AFF3: variants seen among roughly 807,000 people sequenced by gnomAD.
AFF3 encodes AF4/FMR2 family member 3.
AFF3 carries 32 observed loss-of-function variants against 129.7 expected under a neutral mutation model. The ratio of observed to expected loss-of-function variants is 0.25; its 90% CI spans 0.19 to 0.33. AFF3 has a LOEUF of 0.33. AFF3 is among the 10% of genes least tolerant of loss of function. AFF3 has a pLI of 1.00. For missense variants in AFF3, 1,373 were observed against 1,592.0 expected (o/e 0.86, Z 2.34); for synonymous variants, 644 against 635.4 (o/e 1.01, Z -0.20).
chr2:99,583,111 T>C (rs1677740527), intron 16 of AFF3, 112 bp from the exon 17 acceptor site: 2 of 847,618 alleles, frequency 2.4e-6, no homozygotes, highest in African/African-American at 1.7e-5. Context: ...GAGAAGCTTA[T>C]TGGGAATTAT....
chr2:99,755,982 T>C (rs1185194657), intron 8 of AFF3, among the ~76,000 whole-genome samples: 1 of 152,222 alleles, frequency 6.6e-6, no homozygotes, highest in East Asian at 1.9e-4. Context: ...GCTTCTCTGA[T>C]TCTATACTTG....
chr2:99,741,382 A>T (rs1478841920), intron 10 of AFF3, among the ~76,000 whole-genome samples: 8 of 152,240 alleles, frequency 5.3e-5, no homozygotes, highest in Non-Finnish European at 1.0e-4. Flanking sequence ...CTCAGGATAC[A>T]AAATCAACGT....
intron 18 of AFF3, among the ~76,000 whole-genome samples, chr2:99,570,976 T>C (rs1029990358): frequency 1.3e-5 from 2 of 152,236 alleles, no homozygotes; most frequent in African/African-American, 4.8e-5. Context: ...ACAGCACTTC[T>C]TGTTTACTAC....
Position 99,784,162 on chromosome 2 carries a change from T to C in AFF3, c.922-31861A>G, listed in dbSNP as rs187449807. 3.1e-3 allele frequency among the ~76,000 whole-genome samples: 466 copies of C among 152,310 alleles called. 3 individuals are homozygous for C. Among genetic ancestry groups the C allele is most frequent in the African/African-American group, 0.011 (452 of 41,572 alleles). ...TTAAGACCCAAAGCCCCTCAGGGAA[T>C]CTGGATACAGCATCTGTCAATCAGA... is the stretch of plus-strand genomic sequence containing the variant. On this transcript the variant is annotated intron_variant, in intron 8 of 24. Coordinates refer to ENST00000672756, the MANE Select transcript of AFF3 (RefSeq NM_001386135.1).
chr2:99,593,055 T>G, intron 15 of AFF3, 140 bp downstream of exon 15: 3 of 871,960 alleles, frequency 3.4e-6, no homozygotes, highest in East Asian at 2.7e-5. Flanking sequence ...GAAGTGTGTG[T>G]TAGGTAAGGA....
chr2:99,590,079 GGTGCCC>G (rs1678519507), intron 15 of AFF3, among the ~76,000 whole-genome samples: 1 of 152,180 alleles, frequency 6.6e-6, no homozygotes, highest in African/African-American at 2.4e-5. Flanking sequence ...CCCTACCTGT[GGTGCCC>G]GAGTTGTCAG....
At chr2:99,626,486 T>TCTTCCCCTTCCTTCCCTTCC (rs1682591138) in intron 13 of AFF3, among the ~76,000 whole-genome samples, 2 of 50,934 alleles carry the variant, frequency 3.9e-5, no homozygotes. Context: ...CCTCTCCTTC[T>TCTTCCCCTTCCTTCCCTTCC]CTTCCCCTTC....
chr2:99,707,496 C>T (rs571302686), intron 11 of AFF3: 6 of 985,276 alleles, frequency 6.1e-6, no homozygotes, highest in East Asian at 1.1e-4. Flanking sequence ...AAGTTTCAAA[C>T]GCGTCTTAGT....
chr2:99,869,066 G>T (rs185806261), intron 7 of AFF3, among the ~76,000 whole-genome samples: 1 of 152,114 alleles, frequency 6.6e-6, no homozygotes, highest in East Asian at 1.9e-4. Flanking sequence ...CAAAGTGCTA[G>T]GATTACAGGT....
intron 13 of AFF3, among the ~76,000 whole-genome samples, chr2:99,616,341 CTT>C (rs1034244897): frequency 6.7e-6 from 1 of 148,360 alleles, no homozygotes; most frequent in East Asian, 2.0e-4. Context: ...AGCTCTTTGA[CTT>C]TTTTTTTTTA....
chr2:99,861,736 C>G (rs1249243991), intron 7 of AFF3, among the ~76,000 whole-genome samples: 1 of 151,918 alleles, frequency 6.6e-6, no homozygotes, highest in East Asian at 1.9e-4. Context: ...ATTTGTGTAC[C>G]CAAACAGCGT....
At chr2:99,759,252 C>A (rs1296126943) in intron 8 of AFF3, among the ~76,000 whole-genome samples, 1 of 152,184 alleles carries the variant, frequency 6.6e-6, no homozygotes, top group African/African-American at 2.4e-5. Context: ...CCATTTATCT[C>A]TCTTTGAATG....
In AFF3 at chr2:99,637,561, A is replaced by C. The variant is rs1041528305; in HGVS notation, c.1184+12065T>G. 3.8e-4 allele frequency among the ~76,000 whole-genome samples: 58 copies of C among 152,354 alleles called. 1 individual carries two copies. Among genetic ancestry groups the C allele is most frequent in the African/African-American group, 1.3e-3 (56 of 41,576 alleles). On this transcript the variant is annotated intron_variant, in intron 13 of 24. Coordinates refer to ENST00000672756, the MANE Select transcript of AFF3 (RefSeq NM_001386135.1). ...GGGGGACTACCAGGTGTACCTTCACATGGCATCAGTGTAAACATTCTAACA... is the reference window on the plus strand; with the variant it reads ...GGGGGACTACCAGGTGTACCTTCACCTGGCATCAGTGTAAACATTCTAACA...
intron 13 of AFF3, among the ~76,000 whole-genome samples, chr2:99,641,263 G>A (rs1684164866): frequency 6.6e-6 from 1 of 152,234 alleles, no homozygotes; most frequent in Non-Finnish European, 1.5e-5. Flanking sequence ...GGCTGCTACT[G>A]AAGTAGCTAA....
intron 7 of AFF3, among the ~76,000 whole-genome samples, chr2:99,899,489 C>T (rs1340023600): frequency 1.3e-5 from 2 of 152,188 alleles, no homozygotes; most frequent in Non-Finnish European, 2.9e-5. Context: ...AAATAAACTG[C>T]TCCTGGGGTC....
At chr2:100,129,494 T>C (rs1483665495) in intron 1 of AFF3, among the ~76,000 whole-genome samples, 188 bp from the exon 2 acceptor site, 1 of 151,958 alleles carries the variant, frequency 6.6e-6, no homozygotes, top group Non-Finnish European at 1.5e-5. Context: ...ATTTACTCTC[T>C]AGGAACCCAA....
intron 11 of AFF3, among the ~76,000 whole-genome samples, chr2:99,709,215 C>T (rs1388856167): frequency 2.0e-5 from 3 of 152,190 alleles, no homozygotes; most frequent in African/African-American, 4.8e-5. Context: ...ATAGGGAGAT[C>T]TCTTTTTTGA....
rs1558615586 is a variant in AFF3, at chr2:99,593,243, C to A, written c.2418G>T (p.Ser806=). The change falls in exon 15 of 25, where the codon TCG becomes TCT. Residue 806 remains serine (S), a synonymous_variant. Coordinates refer to ENST00000672756, the MANE Select transcript of AFF3 (RefSeq NM_001386135.1). ...DSESAPPSHT[S]DTPAEKALPK... ...GCAAAGCCTTTTCTGCAGGTGTGTC[C>A]GAGGTGTGGCTGGGCGGTGCGCTCT... The A allele has an allele frequency of 3.1e-6, 5 of 1,609,406 alleles. No individual in the cohort carries two copies. The highest frequency in any genetic ancestry group is 3.4e-6 in the Non-Finnish European group (4 of 1,176,878).
chr2:99,967,299 C>T (rs958330615), intron 7 of AFF3, among the ~76,000 whole-genome samples: 2 of 151,856 alleles, frequency 1.3e-5, no homozygotes, highest in East Asian at 1.9e-4. Context: ...CCCCCCGCCC[C>T]CAAGCACTTT....
Sources: gnomAD v4.1 joint callset for allele counts (sites outside exome capture counted in the v4.1 genomes callset) on GRCh38, gnomAD v4.1.1 for gene constraint, MANE v1.5 for transcripts, NCBI Gene and HGNC (gene_info 2026-07-23, HGNC 2026-07-21) for gene names.